RAI1: variants seen among roughly 807,000 people sequenced by gnomAD.
RAI1 encodes retinoic acid-induced protein 1.
Under a neutral mutation model 123.8 loss-of-function variants are expected in RAI1, and 9 were observed. The ratio of observed to expected loss-of-function variants is 0.07; its 90% CI spans 0.04 to 0.13. The LOEUF is 0.13. Among genes scored for constraint, RAI1 ranks in the 10% least tolerant of loss-of-function variants. The probability of loss-of-function intolerance (pLI) is 1.00; values close to 1 mark genes in which losing one functional copy is unlikely to be tolerated. For synonymous variants in RAI1, 1,231 were observed against 1,127.3 expected (o/e 1.09, Z -1.84); for missense variants, 2,256 against 2,545.8 (o/e 0.89, Z 2.45).
chr17:17,711,177 C>T (rs976146004), intron 1 of RAI1, among the ~76,000 whole-genome samples: 1 of 152,204 alleles, frequency 6.6e-6, no homozygotes, highest in Non-Finnish European at 1.5e-5. Context: ...GCCCTGCATG[C>T]AGGTGGGGCG....
Position 17,746,338 on chromosome 17 carries a change from G to C in RAI1, c.-17+22179G>C, listed in dbSNP as rs546804196. On this transcript the variant is annotated intron_variant, in intron 2 of 5. Transcript: ENST00000353383. ...ATCTGGGAGCCAACGTTATTTTCCT[G>C]ATTGAAGGAAACATCTGTTCAGTCC... Among the ~76,000 whole-genome samples, 16 of 152,340 alleles carry C rather than the reference G, an allele frequency of 1.1e-4. No homozygotes were observed. The East Asian group carries it at 3.1e-3, about 29-fold the overall frequency.
At chr17:17,778,406 C>G (rs574438760) in intron 2 of RAI1, 1 of 265,042 alleles carries the variant, frequency 3.8e-6, no homozygotes, top group African/African-American at 2.2e-5. Context: ...CACATTATCC[C>G]ATTTCGTCCC....
chr17:17,725,474 G>A (rs1885875143), intron 2 of RAI1, among the ~76,000 whole-genome samples: 1 of 152,124 alleles, frequency 6.6e-6, no homozygotes, highest in South Asian at 2.1e-4. Flanking sequence ...GAGGCCATGG[G>A]AAGGGAATGC....
chr17:17,783,712 G>C (rs908934636), intron 2 of RAI1, among the ~76,000 whole-genome samples: 2 of 151,906 alleles, frequency 1.3e-5, no homozygotes, highest in African/African-American at 4.8e-5. Flanking sequence ...CCCCCGCCCC[G>C]GATCTGGTCC....
rs1346271948 is a variant in RAI1 at position 17,810,808 on chromosome 17, G to C, written c.*827G>C. 2 of 454,690 alleles carry C rather than the reference G, an allele frequency of 4.4e-6. No homozygotes were observed. Among genetic ancestry groups the C allele is most frequent in the Admixed American group, 2.4e-5 (1 of 42,468 alleles). The allele number at this position is 454,690 out of a possible 1,614,324, so 28.2% of individuals were successfully genotyped here. ...GCGGCCAGAACGCACCTCCGGCTCC[G>C]GCGGACGCGCGACCGTTGTGCACCA... On this transcript the variant is annotated 3_prime_UTR_variant, in exon 6 of 6. Coordinates refer to ENST00000353383, the MANE Select transcript of RAI1 (RefSeq NM_030665.4). The surrounding 1 kb of genome is among the most constrained non-coding windows in gnomAD (Gnocchi z 4.6).
At chr17:17,767,426 T>C (rs2142994111) in intron 2 of RAI1, among the ~76,000 whole-genome samples, 1 of 151,678 alleles carries the variant, frequency 6.6e-6, no homozygotes, top group South Asian at 2.1e-4. Context: ...AAAAAAAAGA[T>C]ACTAAAGAAT....
At chr17:17,766,852 G>A (rs1340062494) in intron 2 of RAI1, among the ~76,000 whole-genome samples, 1 of 152,172 alleles carries the variant, frequency 6.6e-6, no homozygotes, top group Non-Finnish European at 1.5e-5. Flanking sequence ...TGCGGGTGCT[G>A]GAGATAGATG....
rs2032387243 is a variant in RAI1, at chr17:17,799,583, G to C, written c.5565+1070G>C. On this transcript the variant is annotated intron_variant, in intron 3 of 5. Transcript: ENST00000353383. The surrounding 1 kb of genome is among the most constrained non-coding windows in gnomAD (Gnocchi z 4.5). Reference sequence around the variant, plus strand: ...GTGGCTCTCAGTGGGGACGCCTGCAGCCTTCTCTGGCCCCTGCCCTGAGTC... The same window carrying C: ...GTGGCTCTCAGTGGGGACGCCTGCACCCTTCTCTGGCCCCTGCCCTGAGTC... 6.6e-6 allele frequency among the ~76,000 whole-genome samples: 1 copy of C among 152,166 alleles called. No individual in the cohort carries two copies. Among genetic ancestry groups the C allele is most frequent in the African/African-American group, 2.4e-5 (1 of 41,430 alleles).
chr17:17,778,038 C>T (rs1954447969), intron 2 of RAI1: 1 of 152,314 alleles, frequency 6.6e-6, no homozygotes, highest in Non-Finnish European at 1.5e-5. Context: ...GAGATCTTGC[C>T]GTACCAGCTG....
At chr17:17,737,429 A>C (rs1916466499) in intron 2 of RAI1, among the ~76,000 whole-genome samples, 1 of 152,104 alleles carries the variant, frequency 6.6e-6, no homozygotes, top group Non-Finnish European at 1.5e-5. Context: ...CCCCTGGCCC[A>C]AAACCCTGGC....
In RAI1 at chr17:17,799,500, C is replaced by G. The variant is rs1291951084; in HGVS notation, c.5565+987C>G. Among the ~76,000 whole-genome samples, 1 of 152,186 alleles carries G rather than the reference C, an allele frequency of 6.6e-6. No individual in the cohort carries two copies. The highest frequency in any genetic ancestry group is 1.9e-4 in the East Asian group (1 of 5,200). On this transcript the variant is annotated intron_variant, in intron 3 of 5. Transcript: ENST00000353383. This position sits in a 1 kb window ranked among gnomAD's most constrained non-coding sequence, Gnocchi z 4.5. Reference sequence around the variant, plus strand: ...CTTCTGCCCCCACATTCAACCCCGACTCCACTGCCTCATCCAGACTTCCGT... The same window carrying G: ...CTTCTGCCCCCACATTCAACCCCGAGTCCACTGCCTCATCCAGACTTCCGT...
intron 2 of RAI1, among the ~76,000 whole-genome samples, chr17:17,732,491 G>A (rs1230515372): frequency 1.3e-5 from 2 of 152,164 alleles, no homozygotes; most frequent in African/African-American, 2.4e-5. Flanking sequence ...GGCAGGTGAC[G>A]TCCTTCCTTG....
intron 2 of RAI1, among the ~76,000 whole-genome samples, chr17:17,733,505 C>T (rs1916333297): frequency 6.6e-6 from 1 of 152,202 alleles, no homozygotes; most frequent in African/African-American, 2.4e-5. Flanking sequence ...AGATGACCCT[C>T]ACAGCATCCC....
rs1275812395 is a variant in RAI1, at chr17:17,799,208, C to G, written c.5565+695C>G. The stretch of plus-strand genomic sequence containing the variant: ...CACCTTTGGGGCTGTGACCTGCCCT[C>G]TCTGTGCCTCCGTCCCCTCGCCCCT... On this transcript the variant is annotated intron_variant, in intron 3 of 5. Transcript: ENST00000353383. The surrounding 1 kb of genome is among the most constrained non-coding windows in gnomAD (Gnocchi z 4.5). Among the ~76,000 whole-genome samples the G allele has an allele frequency of 6.6e-6, 1 of 152,198 alleles. No individual in the cohort carries two copies. Among genetic ancestry groups the G allele is most frequent in the Non-Finnish European group, 1.5e-5 (1 of 68,024 alleles).
In RAI1 at chr17:17,796,980, C is replaced by T. The variant is rs147375487; in HGVS notation, c.4032C>T (p.Phe1344=). 3.8e-5 allele frequency: 61 copies of T among 1,613,744 alleles called. No homozygotes were observed. Among genetic ancestry groups the T allele is most frequent in the Non-Finnish European group, 4.5e-5 (53 of 1,180,050 alleles). ...QKITSPSLKK[F]ACKAPGASPG... ...TCACCTCGCCCAGCCTCAAGAAGTT[C>T]GCATGTAAAGCGCCAGGGGCCTCTC... The change falls in exon 3 of 6, where the codon TTC becomes TTT. Residue 1344 remains phenylalanine (F), a synonymous_variant. Transcript: ENST00000353383. The surrounding 1 kb of genome is among the most constrained non-coding windows in gnomAD (Gnocchi z 5.8).
At position 17,809,587 on chromosome 17, in the gene RAI1, C is replaced by T; in HGVS notation, c.5709+148C>T. 1 of 853,320 alleles carries T rather than the reference C, an allele frequency of 1.2e-6. No homozygotes were observed. Among genetic ancestry groups the T allele is most frequent in the Non-Finnish European group, 1.8e-6 (1 of 552,112 alleles). The allele number at this position is 853,320 out of a possible 1,614,324, so 52.9% of individuals were successfully genotyped here. On this transcript the variant is annotated intron_variant, in intron 5 of 5. Coordinates refer to ENST00000353383, the MANE Select transcript of RAI1 (RefSeq NM_030665.4). The surrounding 1 kb of genome is among the most constrained non-coding windows in gnomAD (Gnocchi z 4.9). ...GGGAGGGAGCTCTCCCCGCCCACCC[C>T]CAGGAGCCCCCGCCGCCGTCCAGCT...
rs1915644849 is a variant in RAI1 at position 17,714,147 on chromosome 17, G to C, written c.-148-9881G>C. ...TCTGGGCAGCCCTGCCTGCTAGCAA[G>C]CTCTTCCTTATATGGAGGTGAAATC... is the stretch of plus-strand genomic sequence containing the variant. On this transcript the variant is annotated intron_variant, in intron 1 of 5. Coordinates refer to ENST00000353383, the MANE Select transcript of RAI1 (RefSeq NM_030665.4). This position sits in a 1 kb window ranked among gnomAD's most constrained non-coding sequence, Gnocchi z 4.9. Among the ~76,000 whole-genome samples the C allele has an allele frequency of 6.6e-6, 1 of 152,162 alleles. No homozygotes were observed. The highest frequency in any genetic ancestry group is 2.4e-5 in the African/African-American group (1 of 41,430).
At chr17:17,742,766 A>G (rs1167915351) in intron 2 of RAI1, among the ~76,000 whole-genome samples, 6 of 152,008 alleles carry the variant, frequency 3.9e-5, no homozygotes, top group Middle Eastern at 3.2e-3. Flanking sequence ...TGCATTTCTT[A>G]TCTGGTTTGG....
intron 1 of RAI1, among the ~76,000 whole-genome samples, chr17:17,716,867 G>A (rs748339090): frequency 2.0e-5 from 3 of 152,218 alleles, no homozygotes; most frequent in Non-Finnish European, 4.4e-5. Context: ...CCTCAGGGTG[G>A]GATGGCATGG....
Sources: gnomAD v4.1 joint callset for allele counts (sites outside exome capture counted in the v4.1 genomes callset) on GRCh38, gnomAD v4.1.1 for gene constraint, Gnocchi (gnomAD v3.1) non-coding constraint, MANE v1.5 for transcripts, NCBI Gene and HGNC (gene_info 2026-07-23, HGNC 2026-07-21) for gene names.